The following ADAM29 variants were observed in gnomAD, a reference collection of about 807,000 sequenced individuals.
The protein encoded by ADAM29 is ADAM metallopeptidase domain 29.
For synonymous variants in ADAM29, 367 were observed against 342.3 expected (o/e 1.07, Z -0.80); for missense variants, 969 against 1,001.8 (o/e 0.97, Z 0.44).
chr4:174,927,168 G>A (rs1743568565), intron 2 of ADAM29, among the ~76,000 whole-genome samples: 1 of 152,120 alleles, frequency 6.6e-6, no homozygotes, highest in African/African-American at 2.4e-5. Flanking sequence ...TTAGGAAATA[G>A]TACAGCCCAT....
At chr4:174,938,489 ACTT>A (rs1744326152) in intron 4 of ADAM29, among the ~76,000 whole-genome samples, 1 of 152,030 alleles carries the variant, frequency 6.6e-6, no homozygotes, top group African/African-American at 2.4e-5. Context: ...AGGAGGAAAA[ACTT>A]CTGTATATAC....
At chr4:174,949,784 G>C (rs1013694208) in intron 4 of ADAM29, among the ~76,000 whole-genome samples, 2 of 151,950 alleles carry the variant, frequency 1.3e-5, no homozygotes, top group African/African-American at 2.4e-5. Flanking sequence ...CTGTAAAAAT[G>C]CATCCATCCG....
chr4:174,959,430 T>C (rs974471863), intron 4 of ADAM29, among the ~76,000 whole-genome samples: 5 of 151,110 alleles, frequency 3.3e-5, no homozygotes, highest in African/African-American at 1.2e-4. Flanking sequence ...AAAATATTCC[T>C]ACTGTGGTTT....
chr4:174,938,370 C>T (rs778049341), intron 4 of ADAM29, among the ~76,000 whole-genome samples: 2 of 151,608 alleles, frequency 1.3e-5, no homozygotes, highest in African/African-American at 4.8e-5. Context: ...GTAATGCTAC[C>T]CTAAACCAAA....
chr4:174,955,443 G>A lies in ADAM29; in HGVS notation c.-181+18430G>A, dbSNP rs189574525. Among the ~76,000 whole-genome samples the A allele has an allele frequency of 1.9e-3, 288 of 152,126 alleles. 4 individuals carry two copies. Among genetic ancestry groups the A allele is most frequent in the Admixed American group, 7.3e-3 (112 of 15,260 alleles). The stretch of plus-strand genomic sequence containing the variant: ...CACAGTTATTATATAGCTGGAAAGA[G>A]GATTTTGAGAGATCAATATTGTAGC... On this transcript the variant is annotated intron_variant, in intron 4 of 4. Coordinates refer to ENST00000359240, the MANE Select transcript of ADAM29 (RefSeq NM_014269.4).
chr4:174,967,381 T>TG (rs1746212935), intron 4 of ADAM29, among the ~76,000 whole-genome samples: 1 of 152,190 alleles, frequency 6.6e-6, no homozygotes, highest in South Asian at 2.1e-4. Flanking sequence ...CTTTGGTACT[T>TG]GGAGTTTCTA....
chr4:174,948,662 A>C (rs893666018), intron 4 of ADAM29, among the ~76,000 whole-genome samples: 1 of 152,212 alleles, frequency 6.6e-6, no homozygotes, highest in African/African-American at 2.4e-5. Context: ...CAGCAGCTGC[A>C]GCAGCATGGT....
At chr4:174,922,005 T>C (rs993697383) in intron 2 of ADAM29, among the ~76,000 whole-genome samples, 3 of 152,214 alleles carry the variant, frequency 2.0e-5, no homozygotes, top group African/African-American at 7.2e-5. Flanking sequence ...AATCACTCTA[T>C]TGAGTCTCCA....
chr4:174,926,959 T>C (rs1743557184), intron 2 of ADAM29, among the ~76,000 whole-genome samples: 1 of 151,866 alleles, frequency 6.6e-6, no homozygotes, highest in Admixed American at 6.6e-5. Context: ...AGGCAAAATA[T>C]TTCAGCAGAC....
intron 4 of ADAM29, among the ~76,000 whole-genome samples, chr4:174,956,734 A>G (rs902509653): frequency 6.6e-6 from 1 of 151,832 alleles, no homozygotes; most frequent in Non-Finnish European, 1.5e-5. Context: ...GTAAACACAG[A>G]TGGAAACCCT....
intron 4 of ADAM29, among the ~76,000 whole-genome samples, chr4:174,954,079 T>C (rs56318412): frequency 0.41 from 62,934 of 151,980 alleles, 13,498 homozygotes; most frequent in African/African-American, 0.52. Context: ...CTTTCCCTCA[T>C]TTTCAAAATC....
intron 4 of ADAM29, among the ~76,000 whole-genome samples, chr4:174,940,112 A>G (rs1041889577): frequency 3.9e-5 from 6 of 152,012 alleles, no homozygotes; most frequent in Non-Finnish European, 5.9e-5. Flanking sequence ...TGTTTTTGCT[A>G]TTGTTTTTAA....
At chr4:174,941,697 G>A (rs921650379) in intron 4 of ADAM29, among the ~76,000 whole-genome samples, 28 of 152,034 alleles carry the variant, frequency 1.8e-4, no homozygotes, top group African/African-American at 5.3e-4. Flanking sequence ...AGATTGGGGG[G>A]ACACAGAGCC....
At chr4:174,967,441 A>G (rs1746217320) in intron 4 of ADAM29, among the ~76,000 whole-genome samples, 1 of 152,048 alleles carries the variant, frequency 6.6e-6, no homozygotes, top group South Asian at 2.1e-4. Context: ...CTCTTTTGCT[A>G]TTTTCCAAAA....
chr4:174,943,231 CT>C (rs1442285046), intron 4 of ADAM29, among the ~76,000 whole-genome samples: 1 of 152,128 alleles, frequency 6.6e-6, no homozygotes, highest in Non-Finnish European at 1.5e-5. Context: ...ATCTTCCTGT[CT>C]TTTTCTAAGC....
chr4:174,931,300 A>T (rs2110931617), intron 3 of ADAM29, 126 bp downstream of exon 3: 1 of 152,320 alleles, frequency 6.6e-6, no homozygotes, highest in East Asian at 1.9e-4. Flanking sequence ...AACAAGCATG[A>T]GAGGTGAAAA....
At chr4:174,934,665 G>A (rs1744099757) in intron 3 of ADAM29, among the ~76,000 whole-genome samples, 1 of 152,088 alleles carries the variant, frequency 6.6e-6, no homozygotes, top group African/African-American at 2.4e-5. Context: ...ACATATCAGA[G>A]CTTCATCCCC....
intron 4 of ADAM29, among the ~76,000 whole-genome samples, chr4:174,965,814 T>G (rs926232298): frequency 6.6e-6 from 1 of 151,588 alleles, no homozygotes; most frequent in Non-Finnish European, 1.5e-5. Context: ...CATTTAAACC[T>G]AATTAACATC....
At chr4:174,921,486 C>T (rs1407462006) in intron 2 of ADAM29, among the ~76,000 whole-genome samples, 1 of 152,054 alleles carries the variant, frequency 6.6e-6, no homozygotes, top group Non-Finnish European at 1.5e-5. Context: ...GGCATTTTGG[C>T]CAAAACCAGA....
Sources: gnomAD v4.1 joint callset for allele counts (sites outside exome capture counted in the v4.1 genomes callset) on GRCh38, gnomAD v4.1.1 for gene constraint, MANE v1.5 for transcripts, NCBI Gene and HGNC (gene_info 2026-07-23, HGNC 2026-07-21) for gene names.